PTPRK: variants seen among roughly 807,000 people sequenced by gnomAD.
PTPRK encodes receptor-type tyrosine-protein phosphatase kappa.
A neutral mutation model predicts 178.0 loss-of-function variants in PTPRK; 75 were observed. The observed-to-expected ratio is 0.42, with a 90% confidence interval of 0.35 to 0.51. The LOEUF (loss-of-function observed/expected upper bound fraction) is 0.51. Ranked by LOEUF, PTPRK falls within the 20% of genes least tolerant of loss-of-function variation. PTPRK has a pLI of 0.02. For missense variants in PTPRK, 1,441 were observed against 1,797.8 expected (o/e 0.80, Z 3.59); for synonymous variants, 637 against 620.6 (o/e 1.03, Z -0.39).
chr6:128,079,354 T>G (rs1421073816), intron 10 of PTPRK, among the ~76,000 whole-genome samples: 1 of 151,930 alleles, frequency 6.6e-6, no homozygotes, highest in Admixed American at 6.6e-5. Flanking sequence ...TCGTTTATGA[T>G]CTTATAGTGT....
At chr6:128,064,440 G>T (rs1417088657) in intron 13 of PTPRK, among the ~76,000 whole-genome samples, 3 of 152,126 alleles carry the variant, frequency 2.0e-5, no homozygotes, top group Non-Finnish European at 2.9e-5. Context: ...CAAGCAACTT[G>T]CTATTTTCAT....
intron 13 of PTPRK, among the ~76,000 whole-genome samples, chr6:128,052,568 G>T (rs1045905562): frequency 5.9e-5 from 9 of 152,108 alleles, no homozygotes; most frequent in African/African-American, 2.2e-4. Context: ...ATACATCTTT[G>T]GTTGGAATAT....
intron 1 of PTPRK, among the ~76,000 whole-genome samples, chr6:128,484,802 T>C (rs1244026002): frequency 1.3e-5 from 2 of 152,186 alleles, no homozygotes; most frequent in Non-Finnish European, 2.9e-5. Context: ...ATAAATTTAA[T>C]TAGCATAGTT....
At chr6:128,297,511 T>C (rs530130884) in intron 3 of PTPRK, among the ~76,000 whole-genome samples, 100 of 152,234 alleles carry the variant, frequency 6.6e-4, no homozygotes, top group Admixed American at 1.7e-3. Flanking sequence ...AGATCAGAAA[T>C]TATAACAAAC....
intron 8 of PTPRK, among the ~76,000 whole-genome samples, chr6:128,087,231 T>C (rs531400620): frequency 6.6e-6 from 1 of 152,190 alleles, no homozygotes; most frequent in East Asian, 1.9e-4. Flanking sequence ...TATCCAAAAA[T>C]ACCATCAAAA....
chr6:128,101,069 C>T (rs1227374601), intron 7 of PTPRK, among the ~76,000 whole-genome samples: 1 of 151,928 alleles, frequency 6.6e-6, no homozygotes, highest in African/African-American at 2.4e-5. Context: ...GGTAGGGCTA[C>T]ATTTTGAAGT....
chr6:128,081,835 C>T (rs1262345361), intron 10 of PTPRK, among the ~76,000 whole-genome samples: 1 of 151,974 alleles, frequency 6.6e-6, no homozygotes, highest in East Asian at 1.9e-4. Context: ...GAGAAATAAG[C>T]TCTGTAAACA....
intron 13 of PTPRK, among the ~76,000 whole-genome samples, chr6:128,022,459 T>C (rs976314509): frequency 6.6e-6 from 1 of 152,186 alleles, no homozygotes; most frequent in African/African-American, 2.4e-5. Context: ...TTTAGTATAT[T>C]TACTTTTTCG....
intron 3 of PTPRK, among the ~76,000 whole-genome samples, chr6:128,290,324 A>G (rs1196181967): frequency 6.6e-6 from 1 of 152,122 alleles, no homozygotes. Context: ...AAAAAAACCC[A>G]CAAAGATATG....
At chr6:128,225,899 T>C (rs1162164548) in intron 5 of PTPRK, among the ~76,000 whole-genome samples, 1 of 152,120 alleles carries the variant, frequency 6.6e-6, no homozygotes, top group Non-Finnish European at 1.5e-5. Context: ...GTGGTGAATA[T>C]TATAATTCTG....
chr6:128,190,389 C>A (rs1423435864), intron 6 of PTPRK, among the ~76,000 whole-genome samples: 1 of 147,120 alleles, frequency 6.8e-6, no homozygotes, highest in Non-Finnish European at 1.5e-5. Context: ...ATCTAAATTA[C>A]TATTAAGTTT....
chr6:128,403,235 CTAAA>C (rs769391609), intron 1 of PTPRK, among the ~76,000 whole-genome samples: 22 of 152,188 alleles, frequency 1.4e-4, no homozygotes, highest in Non-Finnish European at 2.8e-4. Flanking sequence ...TCCACTCCAA[CTAAA>C]TAAACAATCT....
At chr6:128,252,862 C>T (rs1014402028) in intron 3 of PTPRK, among the ~76,000 whole-genome samples, 2 of 152,198 alleles carry the variant, frequency 1.3e-5, no homozygotes, top group Non-Finnish European at 2.9e-5. Context: ...CCTTTGCCAT[C>T]GCAGATACAC....
chr6:128,386,453 A>G (rs1314882949), intron 2 of PTPRK, among the ~76,000 whole-genome samples: 2 of 152,176 alleles, frequency 1.3e-5, no homozygotes, highest in Non-Finnish European at 2.9e-5. Flanking sequence ...CCTGGCAAGC[A>G]AGGAAGCTCA....
intron 3 of PTPRK, among the ~76,000 whole-genome samples, chr6:128,288,709 G>C (rs181382739): frequency 1.3e-5 from 2 of 152,024 alleles, no homozygotes; most frequent in African/African-American, 4.8e-5. Context: ...AATACTTTTA[G>C]GAAAAAACTG....
At position 127,998,732 on chromosome 6, in the gene PTPRK, T is replaced by C; in HGVS notation, c.2667A>G (p.Lys889=). The C allele has an allele frequency of 6.3e-7, 1 of 1,585,492 alleles. No individual in the cohort carries two copies. Among genetic ancestry groups the C allele is most frequent in the South Asian group, 1.1e-5 (1 of 87,738 alleles). ...AAAACTTATTCACCTCATATTCCTC[T>C]TTGAACCCATAGCTGTCTGATGTCT... The part of the protein sequence containing the change: ...LMKTSDSYGF[K]EEYESFFEGQ... The change falls in exon 16 of 30, where the codon AAA becomes AAG. Residue 889 remains lysine, a synonymous_variant. Coordinates refer to ENST00000368226, the MANE Select transcript of PTPRK (RefSeq NM_002844.4).
chr6:128,401,971 C>G (rs1319598839), intron 1 of PTPRK, among the ~76,000 whole-genome samples: 1 of 152,118 alleles, frequency 6.6e-6, no homozygotes, highest in African/African-American at 2.4e-5. Context: ...TTCTTCCATT[C>G]AGGACACAGA....
intron 7 of PTPRK, among the ~76,000 whole-genome samples, chr6:128,160,829 A>C (rs1279254958): frequency 2.6e-5 from 4 of 151,642 alleles, no homozygotes; most frequent in African/African-American, 9.7e-5. Context: ...AAAGCCTAAA[A>C]CATGTTACAA....
At chr6:128,359,191 C>T (rs540971159) in intron 2 of PTPRK, among the ~76,000 whole-genome samples, 74 of 151,826 alleles carry the variant, frequency 4.9e-4, no homozygotes, top group Non-Finnish European at 8.4e-4. Flanking sequence ...TGGCTCACGC[C>T]TGTAATCCCA....
Sources: allele counts gnomAD v4.1 joint callset (sites outside exome capture counted in the v4.1 genomes callset), GRCh38; gene constraint gnomAD v4.1.1; transcripts MANE v1.5; gene names NCBI Gene and HGNC (gene_info 2026-07-23, HGNC 2026-07-21).